The following EXTL1 variants were observed in gnomAD, a reference collection of about 807,000 sequenced individuals.
EXTL1 encodes exostosin like glycosyltransferase 1.
EXTL1 carries 43 observed loss-of-function variants against 64.6 expected under a neutral mutation model. That is an observed-to-expected ratio of 0.67 (90% CI 0.52 to 0.86). EXTL1 has a LOEUF of 0.86. EXTL1 is among the 40% of genes least tolerant of loss of function. EXTL1 has a pLI of 0.00. For missense variants in EXTL1, 766 were observed against 879.0 expected, an observed-to-expected ratio of 0.87 and a Z score of 1.62; for synonymous variants, 352 against 360.5, an observed-to-expected ratio of 0.98 and a Z score of 0.27.
At chr1:26,030,656 C>A in intron 4 of EXTL1, 61 bp downstream of exon 4, 1 of 1,536,246 alleles carries the variant, frequency 6.5e-7, no homozygotes, top group Non-Finnish European at 8.8e-7. Context: ...CCTGTCACCT[C>A]TCCATACTTC....
In EXTL1 at chr1:26,030,687, A is replaced by ACCC. The variant is rs368362104; in HGVS notation, c.1101+100_1101+102dup. The ACCC allele has an allele frequency of 7.2e-5, 85 of 1,184,072 alleles. No individual in the cohort carries two copies. The African/African-American group carries it at 7.3e-4, about 10-fold the overall frequency. 73.3% of individuals were successfully genotyped at this position (1,184,072 alleles called of 1,614,324 possible). ...ACTTCTCTGCCACAGTGTTTGGGGA[A>ACCC]CCCCCCCCCCTTCCTTGAAGATGGT... On this transcript the variant is annotated intron_variant, in intron 4 of 10. Coordinates refer to ENST00000374280, the MANE Select transcript of EXTL1 (RefSeq NM_004455.3).
chr1:26,022,490 C>A lies in EXTL1; in HGVS notation c.-157C>A. 3.2e-6 allele frequency: 2 copies of A among 620,762 alleles called. No homozygotes were observed. The highest frequency in any genetic ancestry group is 5.6e-6 in the Non-Finnish European group (2 of 355,026). 38.5% of individuals were successfully genotyped at this position (620,762 alleles called of 1,614,324 possible). A position where few individuals can be genotyped will look rare whatever the true frequency, so the allele number is the denominator to read the frequency against. Reference sequence around the variant, plus strand: ...GACTCACTATCTGACCTTAGACAGGCGGCCTGGTCTCGATGGGCCTCAGTC... The same window carrying A: ...GACTCACTATCTGACCTTAGACAGGAGGCCTGGTCTCGATGGGCCTCAGTC... On this transcript the variant is annotated 5_prime_UTR_variant, in exon 1 of 11. Coordinates refer to ENST00000374280, the MANE Select transcript of EXTL1 (RefSeq NM_004455.3).
Position 26,031,179 on chromosome 1 carries a change from G to A in EXTL1, c.1149G>A (p.Leu383=), listed in dbSNP as rs758148378. ...IFGTSAHPSL[L]WNSPPGALLA... is the part of the protein sequence containing the mutation. ...GAACATCAGCTCACCCCTCACTGCT[G>A]TGGAACAGCCCCCCAGGGGCACTCC... Residue 383 remains leucine, a synonymous_variant, in exon 5 of 11, where the codon CTG becomes CTA. Coordinates refer to ENST00000374280, the MANE Select transcript of EXTL1 (RefSeq NM_004455.3). 4.3e-6 allele frequency: 7 copies of A among 1,613,918 alleles called. No individual in the cohort carries two copies. The highest frequency in any genetic ancestry group is 5.9e-6 in the Non-Finnish European group (7 of 1,179,998).
intron 3 of EXTL1, 112 bp downstream of exon 3, chr1:26,029,819 T>C: frequency 1.5e-6 from 1 of 667,880 alleles, no homozygotes; most frequent in African/African-American, 1.8e-5. Context: ...CTTCTATGGA[T>C]ACTGGTGAAT....
rs1194088609 is a variant in EXTL1, at chr1:26,035,557, T to G, written c.*210T>G. The G allele has an allele frequency of 6.5e-6, 3 of 458,766 alleles. No homozygotes were observed. Among genetic ancestry groups the G allele is most frequent in the Non-Finnish European group, 3.9e-6 (1 of 258,696 alleles). The allele number at this position is 458,766 out of a possible 1,614,324, so 28.4% of individuals were successfully genotyped here. On this transcript the variant is annotated 3_prime_UTR_variant, in exon 11 of 11. Coordinates refer to ENST00000374280, the MANE Select transcript of EXTL1 (RefSeq NM_004455.3). The surrounding 1 kb of genome is among the most constrained non-coding windows in gnomAD (Gnocchi z 5.3). ...TCAGCCGCGGAGCCTCTGCGGAGGCTGAGCCCCGCGACCGGAGCGCCGCTC... is the reference window on the plus strand; with the variant it reads ...TCAGCCGCGGAGCCTCTGCGGAGGCGGAGCCCCGCGACCGGAGCGCCGCTC...
chr1:26,033,249 A>T lies in EXTL1; in HGVS notation c.1452A>T (p.Pro484=). 7.4e-6 allele frequency: 12 copies of T among 1,613,834 alleles called. No individual in the cohort carries two copies. The highest frequency in any genetic ancestry group is 1.0e-5 in the Non-Finnish European group (12 of 1,179,806). Residue 484 remains proline, a synonymous_variant, in exon 8 of 11, where the codon CCA becomes CCT. Coordinates refer to ENST00000374280, the MANE Select transcript of EXTL1 (RefSeq NM_004455.3). The surrounding 1 kb of genome is among the most constrained non-coding windows in gnomAD (Gnocchi z 5.1). The part of the protein sequence containing the change: ...GHRKVSDRFY[P]YSTIRTDAIL... The stretch of plus-strand genomic sequence containing the variant: ...TGCAGGTTAGTGATCGCTTCTACCC[A>T]TATAGCACCATCAGAACAGATGCCA...
At chr1:26,029,157 T>A in intron 1 of EXTL1, 36 bp from the exon 2 acceptor site, 1 of 1,511,880 alleles carries the variant, frequency 6.6e-7, no homozygotes, top group Non-Finnish European at 9.2e-7. Flanking sequence ...CTGTCCAGGC[T>A]CATGTGTGGT....
At position 26,031,233 on chromosome 1, in the gene EXTL1, C is replaced by G. The variant is rs1310946601; in HGVS notation, c.1203C>G (p.Pro401=). 1.2e-6 allele frequency: 2 copies of G among 1,613,998 alleles called. No homozygotes were observed. Among genetic ancestry groups the G allele is most frequent in the Non-Finnish European group, 1.7e-6 (2 of 1,179,980 alleles). The change falls in exon 5 of 11, where the codon CCC becomes CCG. Residue 401 remains proline, a synonymous_variant. Transcript: ENST00000374280. The part of the protein sequence containing the change: ...LLALSTFSTS[P]QDFPFYYLQQ... ...CCCTGTCTACTTTTTCCACAAGCCC[C>G]CAGGACTTCCCCTTCTACTACCTGC...
At chr1:26,023,868 G>A (rs930192791) in intron 1 of EXTL1, among the ~76,000 whole-genome samples, 6 of 152,152 alleles carry the variant, frequency 3.9e-5, no homozygotes, top group Admixed American at 1.3e-4. Context: ...CCACCCAGCC[G>A]GAAAGAGCCA....
Position 26,033,613 on chromosome 1 carries a change from C to A in EXTL1, c.1519-83C>A. On this transcript the variant is annotated intron_variant, in intron 8 of 10. Coordinates refer to ENST00000374280, the MANE Select transcript of EXTL1 (RefSeq NM_004455.3). The surrounding 1 kb of genome is among the most constrained non-coding windows in gnomAD (Gnocchi z 5.1). ...CTGAGTCCTGCCCGGGCCCCTCAGC[C>A]AGGCTGCCCCTGCCTCCATTTCCCT... 1.4e-6 allele frequency: 2 copies of A among 1,468,962 alleles called. No homozygotes were observed. The highest frequency in any genetic ancestry group is 1.3e-5 in the South Asian group (1 of 79,672). The allele number at this position is 1,468,962 out of a possible 1,614,324, so 91.0% of individuals were successfully genotyped here. A position where few individuals can be genotyped will look rare whatever the true frequency, so the allele number is the denominator to read the frequency against.
Position 26,023,373 on chromosome 1 carries a change from T to C in EXTL1, c.727T>C (p.Ser243Pro). 6.8e-7 allele frequency: 1 copy of C among 1,464,788 alleles called. No individual in the cohort carries two copies. Among genetic ancestry groups the C allele is most frequent in the Non-Finnish European group, 9.0e-7 (1 of 1,105,352 alleles). The allele number at this position is 1,464,788 out of a possible 1,614,324, so 90.7% of individuals were successfully genotyped here. A position where few individuals can be genotyped will look rare whatever the true frequency, so the allele number is the denominator to read the frequency against. ...RGGWRTADTG[S>P]SACPWDGRCE... The stretch of plus-strand genomic sequence containing the variant: ...TGGGTGGCGCACAGCAGACACTGGC[T>C]CCTCTGCCTGCCCCTGGGATGGGCG... Residue 243 changes from serine (S) to proline (P), a missense_variant, in exon 1 of 11, where the codon TCC becomes CCC. Physicochemically the swap from Ser to Pro is moderately conservative, Grantham distance 74 (BLOSUM62 -1). This residue lies in a region of EXTL1 where 571 missense variants were observed against 647.6 expected (regional missense o/e 0.88). Transcript: ENST00000374280.
Position 26,022,443 on chromosome 1 carries a change from G to A in EXTL1, c.-204G>A. 1.9e-6 allele frequency: 1 copy of A among 526,048 alleles called. No individual in the cohort carries two copies. Among genetic ancestry groups the A allele is most frequent in the Non-Finnish European group, 3.4e-6 (1 of 295,130 alleles). 32.6% of individuals were successfully genotyped at this position (526,048 alleles called of 1,614,324 possible). On this transcript the variant is annotated 5_prime_UTR_variant, in exon 1 of 11. Transcript: ENST00000374280. ...CAGGCCAGCAAGCTGGGTCCCACCT[G>A]GCCTCCTCCTGCCTGGCTGGTGACT...
rs150126690 is a variant in EXTL1, at chr1:26,030,695, C to G, written c.1101+100C>G. ...GCCACAGTGTTTGGGGAACCCCCCC[C>G]CCTTCCTTGAAGATGGTCCTGGGAT... On this transcript the variant is annotated intron_variant, in intron 4 of 10. Coordinates refer to ENST00000374280, the MANE Select transcript of EXTL1 (RefSeq NM_004455.3). The G allele has an allele frequency of 1.9e-4, 253 of 1,355,202 alleles. 2 individuals carry two copies. The African/African-American group carries it at 2.7e-3, about 14-fold the overall frequency. The allele number at this position is 1,355,202 out of a possible 1,614,324, so 83.9% of individuals were successfully genotyped here.
At chr1:26,031,425 C>A in intron 5 of EXTL1, 35 bp from the exon 6 acceptor site, 1 of 1,392,836 alleles carries the variant, frequency 7.2e-7, no homozygotes, top group Non-Finnish European at 9.9e-7. Context: ...GTTCTGTTCC[C>A]TCCCACTCTA....
At chr1:26,024,248 G>C (rs1419475218) in intron 1 of EXTL1, among the ~76,000 whole-genome samples, 2 of 152,112 alleles carry the variant, frequency 1.3e-5, no homozygotes, top group South Asian at 4.1e-4. Flanking sequence ...TCCCCAGCAG[G>C]CCAGCAGCCT....
chr1:26,031,104 G>A (rs768001118), intron 4 of EXTL1, 28 bp from the exon 5 acceptor site: 15 of 1,613,644 alleles, frequency 9.3e-6, no homozygotes, highest in East Asian at 2.2e-5. Flanking sequence ...CAGGCCACTC[G>A]CTCTGCTCAG....
rs192947803 is a variant in EXTL1 at position 26,035,800 on chromosome 1, C to T, written c.*453C>T. The T allele has an allele frequency of 2.0e-3, 321 of 161,430 alleles. 1 individual carries two copies. The highest frequency in any genetic ancestry group is 3.2e-3 in the Non-Finnish European group (239 of 74,342). The allele number at this position is 161,430 out of a possible 1,614,324, so 10.0% of individuals were successfully genotyped here. A position where few individuals can be genotyped will look rare whatever the true frequency, so the allele number is the denominator to read the frequency against. On this transcript the variant is annotated 3_prime_UTR_variant, in exon 11 of 11. Transcript: ENST00000374280. This position sits in a 1 kb window ranked among gnomAD's most constrained non-coding sequence, Gnocchi z 5.3. ...TCGTGTCCTTTTCTCTCTGGCTAGG[C>T]AGGTGTGCCGCAAATATTTGACGAA...
chr1:26,022,409 C>A lies in EXTL1; in HGVS notation c.-238C>A. The A allele has an allele frequency of 2.0e-6, 1 of 492,138 alleles. No homozygotes were observed. Among genetic ancestry groups the A allele is most frequent in the East Asian group, 3.3e-5 (1 of 29,904 alleles). 30.5% of individuals were successfully genotyped at this position (492,138 alleles called of 1,614,324 possible). On this transcript the variant is annotated 5_prime_UTR_variant, in exon 1 of 11. Transcript: ENST00000374280. ...GGCCGAGAAGGCAGAGTCCTGAGAGCAGGGGGGCCAGGCCAGCAAGCTGGG... is the reference window on the plus strand; with the variant it reads ...GGCCGAGAAGGCAGAGTCCTGAGAGAAGGGGGGCCAGGCCAGCAAGCTGGG...
At position 26,033,693 on chromosome 1, in the gene EXTL1, C is replaced by T; in HGVS notation, c.1519-3C>T. 3.1e-6 allele frequency: 5 copies of T among 1,613,612 alleles called. No individual in the cohort carries two copies. The highest frequency in any genetic ancestry group is 4.2e-6 in the Non-Finnish European group (5 of 1,179,676). Reference sequence around the variant, plus strand: ...CTCACAGCTCACTTGAGTCCCTCCCCAGGTGGACTTTGCCTTTCTGGTGTG... The same window carrying T: ...CTCACAGCTCACTTGAGTCCCTCCCTAGGTGGACTTTGCCTTTCTGGTGTG... On this transcript the variant is annotated splice_region_variant and splice_polypyrimidine_tract_variant and intron_variant, in intron 8 of 10. Transcript: ENST00000374280. The surrounding 1 kb of genome is among the most constrained non-coding windows in gnomAD (Gnocchi z 5.1).
Sources: allele counts gnomAD v4.1 joint callset (sites outside exome capture counted in the v4.1 genomes callset), GRCh38; gene constraint gnomAD v4.1.1; regional missense constraint gnomAD v4.1.1; non-coding constraint Gnocchi (gnomAD v3.1); transcripts MANE v1.5; gene names NCBI Gene and HGNC (gene_info 2026-07-23, HGNC 2026-07-21).